The following EPB41L4A variants were observed in gnomAD, a reference collection of about 807,000 sequenced individuals.
EPB41L4A encodes the protein erythrocyte membrane protein band 4.1 like 4A, also known as band 4.1-like protein 4A.
A neutral mutation model predicts 108.6 loss-of-function variants in EPB41L4A; 100 were observed. The observed-to-expected ratio is 0.92, with a 90% CI of 0.78 to 1.09. The LOEUF (loss-of-function observed/expected upper bound fraction) is 1.09, where lower values mean the gene tolerates loss of function less well. Ranked by LOEUF, EPB41L4A falls within the 50% of genes least tolerant of loss-of-function variation. EPB41L4A has a pLI of 0.00. For synonymous variants in EPB41L4A, 319 were observed against 289.0 expected (o/e 1.10, Z -1.05); for missense variants, 1,030 against 842.7 (o/e 1.22, Z -2.75).
intron 12 of EPB41L4A, among the ~76,000 whole-genome samples, chr5:112,215,202 C>A (rs143845522): frequency 6.6e-6 from 1 of 152,170 alleles, no homozygotes; most frequent in African/African-American, 2.4e-5. Context: ...GTACCTGAGA[C>A]GCATGTCAAA....
chr5:112,293,554 G>C (rs1753795565), intron 2 of EPB41L4A, among the ~76,000 whole-genome samples: 1 of 152,094 alleles, frequency 6.6e-6, no homozygotes, highest in Non-Finnish European at 1.5e-5. Context: ...GGGAAAGAAG[G>C]AAAAAAGAAC....
At chr5:112,333,558 T>A (rs861968) in intron 1 of EPB41L4A, among the ~76,000 whole-genome samples, 63,279 of 151,770 alleles carry the variant, frequency 0.42, 14,059 homozygotes, top group African/African-American at 0.58. Flanking sequence ...AATGGATAGG[T>A]TGGTCATGAG....
downstream of EPB41L4A, among the ~76,000 whole-genome samples, chr5:112,159,198 A>G (rs1759759310): frequency 6.6e-6 from 1 of 152,060 alleles, no homozygotes; most frequent in Non-Finnish European, 1.5e-5. Flanking sequence ...TTATTGAGGT[A>G]TGATTGAGAT....
chr5:112,253,910 C>T (rs994054391), intron 9 of EPB41L4A, among the ~76,000 whole-genome samples: 15 of 152,126 alleles, frequency 9.9e-5, no homozygotes, highest in South Asian at 2.1e-4. Flanking sequence ...CTTGGCTTAA[C>T]GTAAGTGAGA....
intron 1 of EPB41L4A, among the ~76,000 whole-genome samples, chr5:112,383,692 T>C (rs1363238538): frequency 6.6e-6 from 1 of 152,136 alleles, no homozygotes; most frequent in African/African-American, 2.4e-5. Context: ...TATAAATTAA[T>C]TGTATTCAGA....
In EPB41L4A at chr5:112,252,467, C is replaced by T. The variant is rs143472586; in HGVS notation, c.795+6762G>A. 2.2e-3 allele frequency among the ~76,000 whole-genome samples: 330 copies of T among 152,030 alleles called. 1 individual carries two copies. The highest frequency in any genetic ancestry group is 7.6e-3 in the African/African-American group (315 of 41,484). On this transcript the variant is annotated intron_variant, in intron 9 of 22. Transcript: ENST00000261486. Reference sequence around the variant, plus strand: ...CAACATGCACCTGAAATATATTATACCAAAAAAGGAAGATATTAGCCCTAA... The same window carrying T: ...CAACATGCACCTGAAATATATTATATCAAAAAAGGAAGATATTAGCCCTAA...
intron 1 of EPB41L4A, among the ~76,000 whole-genome samples, chr5:112,337,252 T>C (rs1756979403): frequency 6.6e-6 from 1 of 152,194 alleles, no homozygotes; most frequent in Non-Finnish European, 1.5e-5. Flanking sequence ...CATAATTTGA[T>C]CATTACAAAG....
At chr5:112,356,803 T>G (rs1001470079) in intron 1 of EPB41L4A, among the ~76,000 whole-genome samples, 2 of 152,080 alleles carry the variant, frequency 1.3e-5, no homozygotes, top group Non-Finnish European at 2.9e-5. Flanking sequence ...AAAAGAAAAA[T>G]CAAAGGCTGC....
At chr5:112,314,568 G>A (rs534258583) in intron 1 of EPB41L4A, among the ~76,000 whole-genome samples, 1 of 144,426 alleles carries the variant, frequency 6.9e-6, no homozygotes, top group South Asian at 2.2e-4. Flanking sequence ...ATGATGGCAG[G>A]CGCCTGTGGT....
At chr5:112,396,141 C>T (rs1241719258) in intron 1 of EPB41L4A, among the ~76,000 whole-genome samples, 2 of 151,952 alleles carry the variant, frequency 1.3e-5, no homozygotes, top group East Asian at 3.9e-4. Flanking sequence ...GGAGAGATAC[C>T]TAATGTAAAT....
At chr5:112,167,028 A>T (rs1760285950) in intron 22 of EPB41L4A, among the ~76,000 whole-genome samples, 2 of 151,686 alleles carry the variant, frequency 1.3e-5, no homozygotes, top group South Asian at 4.2e-4. Context: ...GCAAAGTGAA[A>T]GCTATTCTTC....
intron 1 of EPB41L4A, among the ~76,000 whole-genome samples, chr5:112,335,640 G>A (rs1756869993): frequency 6.6e-6 from 1 of 152,170 alleles, no homozygotes; most frequent in Admixed American, 6.5e-5. Flanking sequence ...CCTGATAGGA[G>A]GCATCTCCAC....
At position 112,362,282 on chromosome 5, in the gene EPB41L4A, G is replaced by GTTT. The variant is rs34273954; in HGVS notation, c.100-54795_100-54793dup. On this transcript the variant is annotated intron_variant, in intron 1 of 22. Coordinates refer to ENST00000261486, the MANE Select transcript of EPB41L4A (RefSeq NM_022140.5). The stretch of plus-strand genomic sequence containing the variant: ...ACCATGCCCAGCTTAGAGCATTAAT[G>GTTT]TTTTTTTTTTTTTTTTGAGATGGAG... 6.2e-4 allele frequency among the ~76,000 whole-genome samples: 83 copies of GTTT among 134,674 alleles called. 3 individuals carry two copies. Among genetic ancestry groups the GTTT allele is most frequent in the Middle Eastern group, 3.9e-3 (1 of 256 alleles). The allele number at this position is 134,674 out of a possible 152,430, so 88.4% of individuals were successfully genotyped here.
intron 22 of EPB41L4A, among the ~76,000 whole-genome samples, chr5:112,168,041 C>T (rs1760357857): frequency 6.6e-6 from 1 of 152,240 alleles, no homozygotes; most frequent in Admixed American, 6.5e-5. Flanking sequence ...CCATCAGACA[C>T]ATCAACTTTG....
intron 4 of EPB41L4A, among the ~76,000 whole-genome samples, chr5:112,273,010 G>A (rs928883305): frequency 2.4e-4 from 37 of 152,166 alleles, no homozygotes; most frequent in Admixed American, 1.2e-3. Flanking sequence ...GAAAATGCTG[G>A]CAGAAGTATG....
chr5:112,311,509 ATCT>A (rs1755048168), intron 1 of EPB41L4A, among the ~76,000 whole-genome samples: 1 of 152,178 alleles, frequency 6.6e-6, no homozygotes, highest in Non-Finnish European at 1.5e-5. Flanking sequence ...ATTCCCATCT[ATCT>A]ACAGCCACTA....
intron 1 of EPB41L4A, among the ~76,000 whole-genome samples, chr5:112,408,651 G>C (rs1294929557): frequency 8.9e-6 from 1 of 111,888 alleles, no homozygotes; most frequent in East Asian, 3.1e-4. Context: ...AAACGAGCCT[G>C]GGCAACATGG....
At chr5:112,355,671 A>C (rs1051135524) in intron 1 of EPB41L4A, among the ~76,000 whole-genome samples, 1 of 152,182 alleles carries the variant, frequency 6.6e-6, no homozygotes, top group Non-Finnish European at 1.5e-5. Flanking sequence ...TTGCCGAAGA[A>C]CACCACCCAT....
intron 12 of EPB41L4A, among the ~76,000 whole-genome samples, chr5:112,219,029 G>T (rs913526989): frequency 6.6e-6 from 1 of 152,164 alleles, no homozygotes; most frequent in Non-Finnish European, 1.5e-5. Context: ...CATATGAAAT[G>T]AGTTGTTTAG....
Sources: allele counts gnomAD v4.1 joint callset (sites outside exome capture counted in the v4.1 genomes callset), GRCh38; gene constraint gnomAD v4.1.1; transcripts MANE v1.5; gene names NCBI Gene and HGNC (gene_info 2026-07-23, HGNC 2026-07-21).